Variants in EPB41L5 observed in about 807,000 individuals in gnomAD.
EPB41L5 encodes erythrocyte membrane protein band 4.1 like 5.
EPB41L5 carries 55 observed loss-of-function variants against 106.6 expected under a neutral mutation model. That is an observed-to-expected ratio of 0.52 (90% CI 0.42 to 0.65). EPB41L5 has a LOEUF of 0.65. Ranked by LOEUF, EPB41L5 falls within the 30% of genes least tolerant of loss-of-function variation. The pLI is 0.00. For missense variants in EPB41L5, 871 were observed against 882.1 expected, an observed-to-expected ratio of 0.99 and a Z score of 0.16; for synonymous variants, 297 against 306.7, an observed-to-expected ratio of 0.97 and a Z score of 0.33.
At position 120,131,711 on chromosome 2, in the gene EPB41L5, G is replaced by A. The variant is rs749523083; in HGVS notation, c.1595G>A (p.Ser532Asn). ...TCCAACATCGATGTTAACATAAACA[G>A]CCAGGTATTCAGATTTCCCCTGTGT... ...PRSNIDVNINSQEEVVKLTEK... is the reference protein window; with the variant it reads ...PRSNIDVNINNQEEVVKLTEK... Residue 532 changes from serine (S) to asparagine (N), a missense_variant, in exon 18 of 25, where the codon AGC (serine) becomes AAC (asparagine). Ser to Asn is a conservative substitution (Grantham distance 46). Transcript: ENST00000263713. 1 of 1,611,676 alleles carries A rather than the reference G, an allele frequency of 6.2e-7. No individual in the cohort carries two copies. The highest frequency in any genetic ancestry group is 1.1e-5 in the South Asian group (1 of 91,020).
intron 16 of EPB41L5, among the ~76,000 whole-genome samples, chr2:120,126,406 ATTTG>A (rs1685462189): frequency 6.6e-6 from 1 of 151,980 alleles, no homozygotes; most frequent in Non-Finnish European, 1.5e-5. Flanking sequence ...TTTCTTCTAT[ATTTG>A]TTCTAAAGTT....
At chr2:120,080,096 A>T (rs1384467999) in intron 10 of EPB41L5, among the ~76,000 whole-genome samples, 1 of 151,630 alleles carries the variant, frequency 6.6e-6, no homozygotes, top group Non-Finnish European at 1.5e-5. Context: ...CAAAAAATTG[A>T]AAGTAGTATT....
At chr2:120,084,621 A>T (rs1682929886) in intron 10 of EPB41L5, among the ~76,000 whole-genome samples, 1 of 151,998 alleles carries the variant, frequency 6.6e-6, no homozygotes, top group African/African-American at 2.4e-5. Flanking sequence ...GCTCTTCTGG[A>T]GGAGTATCTT....
At chr2:120,048,848 A>G (rs760761511) in intron 3 of EPB41L5, among the ~76,000 whole-genome samples, 14 of 152,146 alleles carry the variant, frequency 9.2e-5, no homozygotes, top group Non-Finnish European at 1.9e-4. Context: ...TGGGTCCCAG[A>G]GATTCTGGTA....
At chr2:120,115,029 C>A (rs1482013242) in intron 16 of EPB41L5, among the ~76,000 whole-genome samples, 3 of 152,074 alleles carry the variant, frequency 2.0e-5, no homozygotes, top group Admixed American at 1.3e-4. Context: ...TTGTCTTTAG[C>A]AACAATTTTT....
In EPB41L5 at chr2:120,143,091, A is replaced by G. The variant is rs1487969021; in HGVS notation, c.1688A>G (p.Lys563Arg). 1.9e-6 allele frequency: 3 copies of G among 1,608,718 alleles called. No individual in the cohort carries two copies. The African/African-American group carries it at 4.0e-5, about 22-fold the overall frequency. ...GTCATGAGAGTTCCTCCTGACTTCAAGAGTAACATTTTGAAGGCTCAAGTA... is the reference window on the plus strand; with the variant it reads ...GTCATGAGAGTTCCTCCTGACTTCAGGAGTAACATTTTGAAGGCTCAAGTA... ...LNVMRVPPDF[K>R]SNILKAQVEA... Residue 563 changes from lysine to arginine, a missense_variant, in exon 19 of 25, where the codon AAG (lysine) becomes AGG (arginine). By Grantham distance (26) the Lys-to-Arg change is conservative. Coordinates refer to ENST00000263713, the MANE Select transcript of EPB41L5 (RefSeq NM_020909.4).
chr2:120,145,490 T>C (rs1394353782), intron 19 of EPB41L5, among the ~76,000 whole-genome samples: 4 of 152,190 alleles, frequency 2.6e-5, no homozygotes, highest in Admixed American at 2.6e-4. Flanking sequence ...GTATAGATCA[T>C]CATTTACCTC....
intron 18 of EPB41L5, among the ~76,000 whole-genome samples, chr2:120,141,475 C>T (rs931768308): frequency 6.6e-6 from 1 of 151,984 alleles, no homozygotes; most frequent in Non-Finnish European, 1.5e-5. Context: ...AAGTACAGGG[C>T]TAGGGTAGGG....
At chr2:120,089,601 C>T (rs1683281789) in intron 11 of EPB41L5, among the ~76,000 whole-genome samples, 1 of 151,942 alleles carries the variant, frequency 6.6e-6, no homozygotes, top group Admixed American at 6.6e-5. Context: ...TTTACATATG[C>T]CTCTATTTAC....
intron 3 of EPB41L5, among the ~76,000 whole-genome samples, chr2:120,053,767 T>C (rs1390177249): frequency 6.6e-6 from 1 of 152,210 alleles, no homozygotes; most frequent in Non-Finnish European, 1.5e-5. Flanking sequence ...TTGGCTGTTA[T>C]GAATAATGCT....
chr2:120,093,325 T>G (rs374732378), intron 14 of EPB41L5, 49 bp downstream of exon 14: 2 of 1,473,612 alleles, frequency 1.4e-6, no homozygotes, highest in African/African-American at 1.4e-5. Flanking sequence ...TTGGGATTTA[T>G]GTAGTTGCTA....
chr2:120,043,866 G>T (rs919005622), intron 3 of EPB41L5, among the ~76,000 whole-genome samples: 3 of 152,132 alleles, frequency 2.0e-5, no homozygotes, highest in Admixed American at 6.5e-5. Context: ...AAAAATCTAG[G>T]CCAGGAGCAG....
At chr2:120,060,430 TAAAAAGA>T (rs1468629099) in intron 3 of EPB41L5, among the ~76,000 whole-genome samples, 1 of 152,004 alleles carries the variant, frequency 6.6e-6, no homozygotes, top group Non-Finnish European at 1.5e-5. Flanking sequence ...TACTCAGCAA[TAAAAAGA>T]AAAAACTATT....
At chr2:120,134,579 T>G (rs1437882683) in intron 18 of EPB41L5, among the ~76,000 whole-genome samples, 1 of 152,068 alleles carries the variant, frequency 6.6e-6, no homozygotes, top group Admixed American at 6.5e-5. Context: ...CTCCCCCAAC[T>G]GCATGCAGCT....
At chr2:120,110,901 C>G (rs577898958) in intron 16 of EPB41L5, among the ~76,000 whole-genome samples, 2 of 152,254 alleles carry the variant, frequency 1.3e-5, no homozygotes, top group African/African-American at 4.8e-5. Flanking sequence ...CTTGGCCTCC[C>G]AAAGTGCTGG....
At chr2:120,121,926 C>T (rs1432956414) in intron 16 of EPB41L5, among the ~76,000 whole-genome samples, 1 of 152,182 alleles carries the variant, frequency 6.6e-6, no homozygotes, top group Non-Finnish European at 1.5e-5. Context: ...TCTCTGATGG[C>T]CAGTGATGAT....
intron 20 of EPB41L5, 62 bp downstream of exon 20, chr2:120,146,351 T>C: frequency 8.2e-7 from 1 of 1,219,536 alleles, no homozygotes; most frequent in Non-Finnish European, 1.2e-6. Flanking sequence ...TTTTTTTTCT[T>C]CTCAGTCTGT....
chr2:120,142,817 C>T (rs1456724447), intron 18 of EPB41L5, among the ~76,000 whole-genome samples, 186 bp from the exon 19 acceptor site: 2 of 152,064 alleles, frequency 1.3e-5, no homozygotes, highest in Admixed American at 6.6e-5. Flanking sequence ...GAGGCTGTTC[C>T]TTTTAAATCC....
intron 16 of EPB41L5, chr2:120,104,447 T>C (rs1684331975): frequency 1.5e-6 from 2 of 1,321,384 alleles, no homozygotes; most frequent in Non-Finnish European, 1.9e-6. Context: ...TAATGACAAA[T>C]GTTTGTGTTG....
Sources: gnomAD v4.1 joint callset for allele counts (sites outside exome capture counted in the v4.1 genomes callset) on GRCh38, gnomAD v4.1.1 for gene constraint, MANE v1.5 for transcripts, NCBI Gene and HGNC (gene_info 2026-07-23, HGNC 2026-07-21) for gene names.